Variants in STARD13 observed in about 807,000 individuals in gnomAD.
The protein encoded by STARD13 is stAR-related lipid transfer protein 13.
STARD13 carries 62 observed loss-of-function variants against 106.4 expected under a neutral mutation model. The ratio of observed to expected loss-of-function variants is 0.58; its 90% confidence interval spans 0.48 to 0.72. The LOEUF is 0.72. STARD13 is among the 30% of genes least tolerant of loss of function. The pLI is 0.00. For synonymous variants in STARD13, 565 were observed against 553.0 expected (o/e 1.02, Z -0.31); for missense variants, 1,387 against 1,424.0 (o/e 0.97, Z 0.42).
At chr13:33,315,066 T>C (rs1480666916) in intron 1 of STARD13, among the ~76,000 whole-genome samples, 1 of 152,178 alleles carries the variant, frequency 6.6e-6, no homozygotes, top group Non-Finnish European at 1.5e-5. Context: ...TGTAACATCC[T>C]TGGAGAGAAA....
chr13:33,534,394 C>A, the STARD13 span, among the ~76,000 whole-genome samples: 1 of 152,148 alleles, frequency 6.6e-6, no homozygotes, highest in Admixed American at 6.5e-5. Context: ...TGTTATGCAC[C>A]AGACAGGGAA....
the STARD13 span, among the ~76,000 whole-genome samples, chr13:33,407,454 T>C: frequency 6.6e-6 from 1 of 152,250 alleles, no homozygotes; most frequent in Non-Finnish European, 1.5e-5. Flanking sequence ...GCTCCTGCTT[T>C]TTGCATTTTG....
At chr13:33,529,977 T>C in the STARD13 span, among the ~76,000 whole-genome samples, 1 of 152,132 alleles carries the variant, frequency 6.6e-6, no homozygotes, top group African/African-American at 2.4e-5. Context: ...TGTGAAATTT[T>C]TTATTGATGT....
At chr13:33,233,562 T>C (rs959564857) in intron 1 of STARD13, among the ~76,000 whole-genome samples, 4 of 152,318 alleles carry the variant, frequency 2.6e-5, no homozygotes, top group African/African-American at 9.6e-5. Flanking sequence ...ATCCTTCAGT[T>C]GTTCACATGA....
the STARD13 span, among the ~76,000 whole-genome samples, chr13:33,640,069 T>C: frequency 7.2e-5 from 11 of 152,172 alleles, no homozygotes; most frequent in Non-Finnish European, 1.3e-4. Context: ...CAATCTACCA[T>C]GAGTTGCTGT....
intron 1 of STARD13, among the ~76,000 whole-genome samples, chr13:33,203,996 A>G (rs2138107194): frequency 6.6e-6 from 1 of 152,348 alleles, no homozygotes; most frequent in African/African-American, 2.4e-5. Flanking sequence ...AGATTCATCA[A>G]AAGGTTAATC....
At chr13:33,220,616 T>C (rs1888304420) in intron 1 of STARD13, among the ~76,000 whole-genome samples, 1 of 152,080 alleles carries the variant, frequency 6.6e-6, no homozygotes, top group East Asian at 1.9e-4. Flanking sequence ...TGTTTGAACC[T>C]GGGAGGCGGA....
intron 1 of STARD13, among the ~76,000 whole-genome samples, chr13:33,260,466 G>T (rs982907143): frequency 6.6e-6 from 1 of 152,140 alleles, no homozygotes; most frequent in Non-Finnish European, 1.5e-5. Flanking sequence ...TACGGGGGAG[G>T]TCATCAAATC....
At chr13:33,315,902 G>A (rs114873969) in intron 1 of STARD13, among the ~76,000 whole-genome samples, 1,825 of 152,150 alleles carry the variant, frequency 0.012, 50 homozygotes, top group African/African-American at 0.042. Flanking sequence ...CATTTTGGGA[G>A]CAGTGGTTGA....
At chr13:33,447,248 A>G in the STARD13 span, among the ~76,000 whole-genome samples, 1 of 152,232 alleles carries the variant, frequency 6.6e-6, no homozygotes, top group African/African-American at 2.4e-5. Context: ...TTGTACAACT[A>G]TGTGCCCTAG....
intron 1 of STARD13, among the ~76,000 whole-genome samples, chr13:33,173,567 T>C (rs1884206940): frequency 6.6e-6 from 1 of 151,834 alleles, no homozygotes; most frequent in Admixed American, 6.5e-5. Flanking sequence ...TAAAATTATA[T>C]GTTAAGTTAT....
intron 12 of STARD13, among the ~76,000 whole-genome samples, chr13:33,107,845 G>A (rs1039507047): frequency 2.6e-5 from 4 of 151,960 alleles, no homozygotes; most frequent in African/African-American, 9.7e-5. Context: ...TCTACCCCAG[G>A]GATCTATCAT....
At chr13:33,375,823 A>ATTATTTT in the STARD13 span, among the ~76,000 whole-genome samples, 3 of 152,072 alleles carry the variant, frequency 2.0e-5, no homozygotes, top group African/African-American at 7.2e-5. Context: ...CAGGGAGGGG[A>ATTATTTT]CACAGCCAAC....
chr13:33,517,194 T>TC, the STARD13 span, among the ~76,000 whole-genome samples: 1 of 151,966 alleles, frequency 6.6e-6, no homozygotes, highest in East Asian at 1.9e-4. Flanking sequence ...ATCACAATGT[T>TC]CCCCCCACCC....
At chr13:33,518,120 G>T in the STARD13 span, among the ~76,000 whole-genome samples, 1 of 152,138 alleles carries the variant, frequency 6.6e-6, no homozygotes, top group Non-Finnish European at 1.5e-5. Flanking sequence ...ACTTCCAGGA[G>T]CACAGACTTC....
the STARD13 span, among the ~76,000 whole-genome samples, chr13:33,605,773 A>T: frequency 2.1e-3 from 326 of 152,274 alleles, 1 homozygote; most frequent in African/African-American, 7.4e-3. Context: ...AATATTGTTT[A>T]TTTCCACTGT....
At chr13:33,530,130 T>C in the STARD13 span, among the ~76,000 whole-genome samples, 1 of 152,100 alleles carries the variant, frequency 6.6e-6, no homozygotes, top group Non-Finnish European at 1.5e-5. Flanking sequence ...TTTTTTTTTT[T>C]TGGTGAATGC....
At chr13:33,382,804 G>A in the STARD13 span, among the ~76,000 whole-genome samples, 1 of 152,228 alleles carries the variant, frequency 6.6e-6, no homozygotes, top group South Asian at 2.1e-4. Context: ...CTCTTCCACC[G>A]ATAAGCATTA....
chr13:33,607,295 G>GT, the STARD13 span, among the ~76,000 whole-genome samples: 24 of 146,326 alleles, frequency 1.6e-4, no homozygotes, highest in South Asian at 2.8e-3. Context: ...AGCTATCATT[G>GT]TTTCTTTTTT....
Sources: gnomAD v4.1 joint callset for allele counts (sites outside exome capture counted in the v4.1 genomes callset) on GRCh38, gnomAD v4.1.1 for gene constraint, MANE v1.5 for transcripts, NCBI Gene and HGNC (gene_info 2026-07-23, HGNC 2026-07-21) for gene names.